Variants in CNTN5 observed in about 807,000 individuals in gnomAD.
CNTN5 encodes contactin-5.
In CNTN5, 77 loss-of-function variants were observed where a neutral mutation model predicts 129.1. That is an observed-to-expected ratio of 0.60 (90% CI 0.50 to 0.72). The LOEUF (loss-of-function observed/expected upper bound fraction) is 0.72, where lower values mean the gene tolerates loss of function less well. Among genes scored for constraint, CNTN5 ranks in the 30% least tolerant of loss-of-function variants. CNTN5 has a pLI of 0.00. For missense variants in CNTN5, 1,478 were observed against 1,328.8 expected, an observed-to-expected ratio of 1.11 and a Z score of -1.75; for synonymous variants, 509 against 465.6, an observed-to-expected ratio of 1.09 and a Z score of -1.20.
chr11:99,816,587 TC>T (rs1311831679), intron 3 of CNTN5, among the ~76,000 whole-genome samples: 9 of 152,294 alleles, frequency 5.9e-5, no homozygotes, highest in African/African-American at 1.9e-4. Flanking sequence ...TATTTACTAT[TC>T]CCATACGTAT....
At chr11:99,314,441 A>T (rs1008517449) in intron 1 of CNTN5, among the ~76,000 whole-genome samples, 3 of 152,124 alleles carry the variant, frequency 2.0e-5, no homozygotes, top group African/African-American at 7.2e-5. Flanking sequence ...GACATAGAGC[A>T]TCTCATTCCA....
intron 7 of CNTN5, among the ~76,000 whole-genome samples, chr11:99,920,230 T>C (rs1949903125): frequency 6.6e-6 from 1 of 152,260 alleles, no homozygotes; most frequent in East Asian, 1.9e-4. Context: ...CTCTTGATAT[T>C]CCTCCACTCT....
At chr11:99,378,888 A>G (rs1195808743) in intron 2 of CNTN5, among the ~76,000 whole-genome samples, 2 of 152,140 alleles carry the variant, frequency 1.3e-5, no homozygotes, top group African/African-American at 4.8e-5. Context: ...GAATATGGCA[A>G]TGGGAGAGTG....
intron 21 of CNTN5, among the ~76,000 whole-genome samples, chr11:100,332,967 T>G (rs952489275): frequency 1.4e-4 from 21 of 152,168 alleles, no homozygotes; most frequent in Admixed American, 1.2e-3. Context: ...CAGAAAGAAA[T>G]AAAGGGCATC....
At chr11:99,547,003 CTTTT>C (rs59675284) in intron 2 of CNTN5, among the ~76,000 whole-genome samples, 1 of 128,640 alleles carries the variant, frequency 7.8e-6, no homozygotes, top group Non-Finnish European at 1.6e-5. Flanking sequence ...AAATTATTTT[CTTTT>C]TTTTTTTTTT....
chr11:99,439,873 G>T (rs1200878359), intron 2 of CNTN5, among the ~76,000 whole-genome samples: 1 of 152,002 alleles, frequency 6.6e-6, no homozygotes, highest in Non-Finnish European at 1.5e-5. Context: ...TTAGTATTTG[G>T]TAATGGAGAG....
intron 1 of CNTN5, among the ~76,000 whole-genome samples, chr11:99,171,895 C>T (rs1038421988): frequency 7.2e-5 from 11 of 152,084 alleles, no homozygotes; most frequent in Non-Finnish European, 1.0e-4. Context: ...ATGAATAATA[C>T]GCGAATTTCA....
intron 1 of CNTN5, among the ~76,000 whole-genome samples, chr11:99,216,054 G>T (rs539768330): frequency 1.3e-5 from 2 of 152,016 alleles, no homozygotes; most frequent in Admixed American, 6.6e-5. Flanking sequence ...ATTTTAAAAT[G>T]TACAATAAGT....
At chr11:100,044,568 C>A (rs1246597893) in intron 9 of CNTN5, among the ~76,000 whole-genome samples, 2 of 150,978 alleles carry the variant, frequency 1.3e-5, no homozygotes, top group Non-Finnish European at 2.9e-5. Flanking sequence ...TTGCATTGAT[C>A]TGATGCCTAG....
intron 1 of CNTN5, among the ~76,000 whole-genome samples, chr11:99,222,120 C>G (rs1223945974): frequency 6.6e-6 from 1 of 151,758 alleles, no homozygotes; most frequent in African/African-American, 2.4e-5. Flanking sequence ...CAAAAAATAC[C>G]TATTGCTTGG....
At chr11:99,282,530 G>T (rs1863748656) in intron 1 of CNTN5, among the ~76,000 whole-genome samples, 1 of 152,020 alleles carries the variant, frequency 6.6e-6, no homozygotes, top group Non-Finnish European at 1.5e-5. Flanking sequence ...GAGAAGTAAA[G>T]AAATGAAGAT....
rs1390224802 is a variant in CNTN5 at position 99,295,908 on chromosome 11, G to T, written c.-209-29438G>T. Among the ~76,000 whole-genome samples the T allele has an allele frequency of 1.4e-4, 20 of 145,942 alleles. No individual in the cohort carries two copies. The South Asian group carries it at 3.0e-3, about 22-fold the overall frequency. Reference sequence around the variant, plus strand: ...AAAAAAAAAAAAAAAAAAAAAAAGAGTTTTGACTGATTATGAGGCAACGTA... The same window carrying T: ...AAAAAAAAAAAAAAAAAAAAAAAGATTTTTGACTGATTATGAGGCAACGTA... On this transcript the variant is annotated intron_variant, in intron 1 of 24. Transcript: ENST00000524871.
intron 16 of CNTN5, among the ~76,000 whole-genome samples, chr11:100,250,243 T>A (rs1454487290): frequency 6.6e-6 from 1 of 150,618 alleles, no homozygotes; most frequent in Non-Finnish European, 1.5e-5. Flanking sequence ...TATAGTTTGA[T>A]TTAACAAAAA....
chr11:100,141,160 G>C, intron 13 of CNTN5, among the ~76,000 whole-genome samples: 1 of 151,180 alleles, frequency 6.6e-6, no homozygotes. Flanking sequence ...AAGTTGGAGA[G>C]GGGTAGAATT....
At chr11:100,017,078 T>C (rs564197450) in intron 9 of CNTN5, among the ~76,000 whole-genome samples, 2 of 151,996 alleles carry the variant, frequency 1.3e-5, no homozygotes, top group Non-Finnish European at 2.9e-5. Flanking sequence ...ACTTTTCTTT[T>C]CTTTGGGAGG....
intron 2 of CNTN5, among the ~76,000 whole-genome samples, chr11:99,398,241 A>G (rs1173217530): frequency 6.6e-6 from 1 of 151,896 alleles, no homozygotes; most frequent in African/African-American, 2.4e-5. Context: ...TTAGCCTTAC[A>G]GACTCCTTTC....
At chr11:99,411,049 T>C (rs1942368325) in intron 2 of CNTN5, among the ~76,000 whole-genome samples, 1 of 152,250 alleles carries the variant, frequency 6.6e-6, no homozygotes, top group Non-Finnish European at 1.5e-5. Context: ...CATTATTCTT[T>C]ATGAATTGTT....
At chr11:99,301,508 T>C (rs1484572327) in intron 1 of CNTN5, among the ~76,000 whole-genome samples, 1 of 151,794 alleles carries the variant, frequency 6.6e-6, no homozygotes, top group Non-Finnish European at 1.5e-5. Flanking sequence ...GGGCATTGTA[T>C]TATAAAAATA....
chr11:99,788,156 A>G (rs1364331037), intron 3 of CNTN5, among the ~76,000 whole-genome samples: 2 of 151,882 alleles, frequency 1.3e-5, no homozygotes, highest in Non-Finnish European at 2.9e-5. Flanking sequence ...TCTTCCTCAT[A>G]TAGAAAGTTT....
Sources: allele counts gnomAD v4.1 joint callset (sites outside exome capture counted in the v4.1 genomes callset), GRCh38; gene constraint gnomAD v4.1.1; transcripts MANE v1.5; gene names NCBI Gene and HGNC (gene_info 2026-07-23, HGNC 2026-07-21).